Variants in MCC observed in about 807,000 individuals in gnomAD.
MCC encodes the protein MCC regulator of Wnt signaling pathway, also known as colorectal mutant cancer protein.
A neutral mutation model predicts 116.2 loss-of-function variants in MCC; 90 were observed. The ratio of observed to expected loss-of-function variants is 0.77; its 90% CI spans 0.65 to 0.92. MCC has a LOEUF of 0.92. Ranked by LOEUF, MCC falls within the 40% of genes least tolerant of loss-of-function variation. The pLI, the probability that MCC is intolerant of heterozygous loss-of-function variation, is 0.00. For synonymous variants in MCC, 578 were observed against 510.5 expected, an observed-to-expected ratio of 1.13 and a Z score of -1.78; for missense variants, 1,516 against 1,312.2, an observed-to-expected ratio of 1.16 and a Z score of -2.40.
At chr5:113,244,030 T>C (rs2150340408) in intron 3 of MCC, among the ~76,000 whole-genome samples, 1 of 152,328 alleles carries the variant, frequency 6.6e-6, no homozygotes, top group South Asian at 2.1e-4. Flanking sequence ...ACAGGATCCA[T>C]TCTACACTGC....
chr5:113,252,980 C>A (rs1764858467), intron 3 of MCC, among the ~76,000 whole-genome samples: 2 of 152,318 alleles, frequency 1.3e-5, no homozygotes, highest in East Asian at 1.9e-4. Flanking sequence ...CCCCTGCATG[C>A]CCTTCTGTAC....
At chr5:113,190,850 T>A (rs781425418) in intron 3 of MCC, among the ~76,000 whole-genome samples, 1 of 152,086 alleles carries the variant, frequency 6.6e-6, no homozygotes, top group Non-Finnish European at 1.5e-5. Flanking sequence ...GAAAAATAAA[T>A]GTCTCTCAAG....
At chr5:113,374,341 CATT>C (rs1464141541) in intron 2 of MCC, among the ~76,000 whole-genome samples, 1 of 151,772 alleles carries the variant, frequency 6.6e-6, no homozygotes, top group East Asian at 1.9e-4. Flanking sequence ...CTCTGTAAAT[CATT>C]GTCTGGTACT....
At chr5:113,337,598 A>C (rs1767899958) in intron 3 of MCC, among the ~76,000 whole-genome samples, 1 of 152,166 alleles carries the variant, frequency 6.6e-6, no homozygotes, top group South Asian at 2.1e-4. Context: ...CTTTACCCTT[A>C]GTAGGTAATC....
intron 3 of MCC, among the ~76,000 whole-genome samples, chr5:113,332,471 A>T (rs1488601082): frequency 2.0e-5 from 3 of 149,508 alleles, no homozygotes; most frequent in Non-Finnish European, 4.4e-5. Context: ...GCACTTTGGG[A>T]GTCTGAGGTG....
intron 3 of MCC, among the ~76,000 whole-genome samples, chr5:113,243,694 C>T (rs945696162): frequency 2.0e-5 from 3 of 147,550 alleles, no homozygotes; most frequent in East Asian, 1.9e-4. Flanking sequence ...TGTTTAAAAC[C>T]GGTCACTGGC....
At chr5:113,462,724 CA>C (rs528221647) in intron 1 of MCC, among the ~76,000 whole-genome samples, 1 of 152,058 alleles carries the variant, frequency 6.6e-6, no homozygotes, top group Non-Finnish European at 1.5e-5. Context: ...GCCAATTATG[CA>C]AAAAAGGCAA....
chr5:113,271,510 T>C (rs1581347862), intron 3 of MCC, among the ~76,000 whole-genome samples: 1 of 152,182 alleles, frequency 6.6e-6, no homozygotes. Context: ...GATATCAAGA[T>C]CTGAAATAAA....
chr5:113,458,661 A>G (rs1449133742), intron 1 of MCC, among the ~76,000 whole-genome samples: 1 of 152,192 alleles, frequency 6.6e-6, no homozygotes, highest in Non-Finnish European at 1.5e-5. Flanking sequence ...AAACATACTG[A>G]TGTGTGCTGC....
intron 1 of MCC, among the ~76,000 whole-genome samples, chr5:113,456,646 T>TC (rs1450535436): frequency 3.5e-5 from 5 of 141,194 alleles, no homozygotes; most frequent in Admixed American, 2.1e-4. Flanking sequence ...TTTTTTTTTT[T>TC]TTTTTTAGTA....
At chr5:113,247,270 C>G (rs1030815346) in intron 3 of MCC, among the ~76,000 whole-genome samples, 1 of 152,212 alleles carries the variant, frequency 6.6e-6, no homozygotes, top group East Asian at 1.9e-4. Flanking sequence ...CAGGTGCATT[C>G]AGTGGAAAGA....
intron 5 of MCC, among the ~76,000 whole-genome samples, chr5:113,139,759 T>C (rs1759069676): frequency 1.3e-5 from 2 of 152,176 alleles, no homozygotes; most frequent in African/African-American, 4.8e-5. Context: ...ACTGGGTATA[T>C]ACCCAAAGGA....
At chr5:113,060,174 G>C (rs535033223) in intron 14 of MCC, among the ~76,000 whole-genome samples, 2 of 151,768 alleles carry the variant, frequency 1.3e-5, no homozygotes, top group Admixed American at 6.6e-5. Context: ...TTGTTTGTTT[G>C]AGACAGAGTC....
At chr5:113,182,230 G>A (rs555482176) in intron 3 of MCC, among the ~76,000 whole-genome samples, 9 of 152,300 alleles carry the variant, frequency 5.9e-5, no homozygotes, top group African/African-American at 1.9e-4. Context: ...ACATTATACA[G>A]ATTCTCTTCA....
At position 113,150,887 on chromosome 5, in the gene MCC, C is replaced by A. The variant is rs58145023; in HGVS notation, c.741+422G>T. 7.2e-3 allele frequency among the ~76,000 whole-genome samples: 1,098 copies of A among 152,238 alleles called. 18 individuals carry two copies. The highest frequency in any genetic ancestry group is 0.025 in the African/African-American group (1,047 of 41,530). On this transcript the variant is annotated intron_variant, in intron 4 of 18. Coordinates refer to ENST00000408903, the MANE Select transcript of MCC (RefSeq NM_001085377.2). ...GATCAGCCTGGACAACATGGCGAAA[C>A]CCCATCTCTACAGAAAATACAAAAA...
At position 113,053,667 on chromosome 5, in the gene MCC, G is replaced by A; in HGVS notation, c.2448+58C>T. On this transcript the variant is annotated intron_variant, in intron 15 of 18. Coordinates refer to ENST00000408903, the MANE Select transcript of MCC (RefSeq NM_001085377.2). ...CTTATCTGCTGGACCTGCTTTCAGA[G>A]GTTGTTTAGATTTCCTCCTGGTGGC... 9 of 1,254,520 alleles carry A rather than the reference G, an allele frequency of 7.2e-6. No individual in the cohort carries two copies. The South Asian group carries it at 8.9e-5, about 12-fold the overall frequency. The allele number at this position is 1,254,520 out of a possible 1,614,324, so 77.7% of individuals were successfully genotyped here. A position where few individuals can be genotyped will look rare whatever the true frequency, so the allele number is the denominator to read the frequency against.
intron 5 of MCC, among the ~76,000 whole-genome samples, chr5:113,125,350 G>T (rs1757983659): frequency 6.6e-6 from 1 of 152,132 alleles, no homozygotes; most frequent in South Asian, 2.1e-4. Context: ...AACGACACAT[G>T]GCAACAAAGT....
chr5:113,077,611 G>A (rs1024799459), intron 11 of MCC, among the ~76,000 whole-genome samples: 3 of 152,164 alleles, frequency 2.0e-5, no homozygotes, highest in African/African-American at 7.2e-5. Flanking sequence ...AAACCAATGA[G>A]AACAAAGACA....
chr5:113,430,643 T>C (rs527340573), intron 1 of MCC, among the ~76,000 whole-genome samples: 151 of 152,186 alleles, frequency 9.9e-4, no homozygotes, highest in Non-Finnish European at 2.0e-3. Flanking sequence ...ATATGAGAGG[T>C]AAGGCAAAGA....
Sources: gnomAD v4.1 joint callset for allele counts (sites outside exome capture counted in the v4.1 genomes callset) on GRCh38, gnomAD v4.1.1 for gene constraint, MANE v1.5 for transcripts, NCBI Gene and HGNC (gene_info 2026-07-23, HGNC 2026-07-21) for gene names.